LINGO2: variants seen among roughly 807,000 people sequenced by gnomAD.
LINGO2 encodes leucine-rich repeat and immunoglobulin-like domain-containing nogo receptor-interacting protein 2.
LINGO2 carries 14 observed loss-of-function variants against 30.6 expected under a neutral mutation model. The observed-to-expected ratio is 0.46, with a 90% CI of 0.30 to 0.72. The LOEUF (loss-of-function observed/expected upper bound fraction) is 0.72, where lower values mean the gene tolerates loss of function less well. Among genes scored for constraint, LINGO2 ranks in the 30% least tolerant of loss-of-function variants. The pLI is 0.07. For missense variants in LINGO2, 729 were observed against 751.7 expected (o/e 0.97, Z 0.35); for synonymous variants, 317 against 288.5 (o/e 1.10, Z -1.00).
At chr9:29,179,277 C>G in the LINGO2 span, among the ~76,000 whole-genome samples, 1 of 148,336 alleles carries the variant, frequency 6.7e-6, no homozygotes. Context: ...GACTTCTGGG[C>G]AAGTATTGCT....
At chr9:28,613,737 A>C (rs1050681090) in intron 1 of LINGO2, among the ~76,000 whole-genome samples, 1 of 152,118 alleles carries the variant, frequency 6.6e-6, no homozygotes, top group Non-Finnish European at 1.5e-5. Flanking sequence ...CCAAAGACTG[A>C]TTCTGTTTGT....
At chr9:28,995,522 A>G in the LINGO2 span, among the ~76,000 whole-genome samples, 1 of 152,174 alleles carries the variant, frequency 6.6e-6, no homozygotes, top group Non-Finnish European at 1.5e-5. Flanking sequence ...ATTACTGGGT[A>G]TATACCCAAA....
chr9:28,239,820 A>C (rs1821716915), intron 4 of LINGO2, among the ~76,000 whole-genome samples: 2 of 152,170 alleles, frequency 1.3e-5, no homozygotes, highest in South Asian at 4.1e-4. Context: ...AGGGCATCCA[A>C]ATTGGAAAGG....
At chr9:28,865,276 T>G in the LINGO2 span, among the ~76,000 whole-genome samples, 1 of 152,036 alleles carries the variant, frequency 6.6e-6, no homozygotes, top group African/African-American at 2.4e-5. Flanking sequence ...AAATTTGAAG[T>G]AAGAGAACTC....
chr9:29,143,219 A>C, the LINGO2 span, among the ~76,000 whole-genome samples: 10 of 152,232 alleles, frequency 6.6e-5, no homozygotes, highest in South Asian at 2.1e-3. Flanking sequence ...GGGAAGACTT[A>C]CTATTGTTAC....
the LINGO2 span, among the ~76,000 whole-genome samples, chr9:29,198,700 G>A: frequency 6.6e-6 from 1 of 152,156 alleles, no homozygotes; most frequent in Admixed American, 6.6e-5. Context: ...CAGTCTCCCT[G>A]GGAGAGGCAA....
intron 2 of LINGO2, among the ~76,000 whole-genome samples, chr9:28,446,325 C>T (rs1431352132): frequency 3.3e-5 from 5 of 152,158 alleles, no homozygotes; most frequent in Non-Finnish European, 7.3e-5. Flanking sequence ...CACATTCAAG[C>T]ACATCCAGTT....
At chr9:28,496,497 T>C (rs1819634955) in intron 1 of LINGO2, among the ~76,000 whole-genome samples, 2 of 150,896 alleles carry the variant, frequency 1.3e-5, no homozygotes, top group Admixed American at 6.6e-5. Flanking sequence ...GCCTTTTTGT[T>C]TTCCATTTGC....
intron 1 of LINGO2, among the ~76,000 whole-genome samples, chr9:28,629,038 C>A (rs1826814331): frequency 6.6e-6 from 1 of 152,064 alleles, no homozygotes; most frequent in Non-Finnish European, 1.5e-5. Context: ...ATGTGGTGGG[C>A]ATTACATTAA....
the LINGO2 span, among the ~76,000 whole-genome samples, chr9:28,881,837 T>C: frequency 6.6e-6 from 1 of 152,230 alleles, no homozygotes; most frequent in Non-Finnish European, 1.5e-5. Context: ...ACAGGATGTG[T>C]TGTTCCCCAC....
chr9:28,162,950 A>G (rs10968357), intron 4 of LINGO2, among the ~76,000 whole-genome samples: 6,049 of 152,252 alleles, frequency 0.04, 387 homozygotes, highest in African/African-American at 0.14. Context: ...TTTTAAGTGC[A>G]TTGTTAAAAC....
At chr9:28,496,348 A>T (rs994181829) in intron 1 of LINGO2, among the ~76,000 whole-genome samples, 4 of 152,016 alleles carry the variant, frequency 2.6e-5, no homozygotes, top group African/African-American at 9.7e-5. Flanking sequence ...GTGCTCCCGT[A>T]TTGGGTGCAT....
intron 4 of LINGO2, among the ~76,000 whole-genome samples, chr9:28,089,421 CT>C (rs1439581246): frequency 6.6e-6 from 1 of 152,170 alleles, no homozygotes; most frequent in Non-Finnish European, 1.5e-5. Context: ...TCACTCAAAA[CT>C]GCTCAACTAC....
intron 5 of LINGO2, among the ~76,000 whole-genome samples, chr9:27,989,601 A>C (rs1259555688): frequency 6.6e-6 from 1 of 151,960 alleles, no homozygotes; most frequent in African/African-American, 2.4e-5. Flanking sequence ...GAAAGCCAGC[A>C]TCATCACCAT....
the LINGO2 span, among the ~76,000 whole-genome samples, chr9:29,002,851 T>C: frequency 8.2e-4 from 125 of 152,040 alleles, no homozygotes; most frequent in African/African-American, 2.9e-3. Flanking sequence ...AGGGGTTCAG[T>C]TGTATTCCCC....
chr9:28,444,340 C>A (rs950511779), intron 2 of LINGO2, among the ~76,000 whole-genome samples: 30 of 152,182 alleles, frequency 2.0e-4, no homozygotes, highest in African/African-American at 7.2e-4. Context: ...ACACTATAGC[C>A]CTCCTGTTCT....
At chr9:28,728,630 T>C in the LINGO2 span, among the ~76,000 whole-genome samples, 2 of 151,976 alleles carry the variant, frequency 1.3e-5, no homozygotes, top group Non-Finnish European at 2.9e-5. Flanking sequence ...GAAAAAAACA[T>C]ACTGCTAATA....
chr9:28,111,008 T>A (rs926229356), intron 4 of LINGO2, among the ~76,000 whole-genome samples: 25 of 152,136 alleles, frequency 1.6e-4, no homozygotes, highest in African/African-American at 6.0e-4. Context: ...AATGATAGAC[T>A]GGATAAAGAA....
chr9:29,166,189 T>C, the LINGO2 span, among the ~76,000 whole-genome samples: 1 of 152,138 alleles, frequency 6.6e-6, no homozygotes, highest in Non-Finnish European at 1.5e-5. Context: ...ATGTGGTTAT[T>C]TAAAAATTCC....
Sources: gnomAD v4.1 joint callset for allele counts (sites outside exome capture counted in the v4.1 genomes callset) on GRCh38, gnomAD v4.1.1 for gene constraint, MANE v1.5 for transcripts, NCBI Gene and HGNC (gene_info 2026-07-23, HGNC 2026-07-21) for gene names.